The following PDE1C variants were observed in gnomAD, a reference collection of about 807,000 sequenced individuals.
PDE1C encodes the protein phosphodiesterase 1C.
PDE1C carries 62 observed loss-of-function variants against 93.1 expected under a neutral mutation model. The observed-to-expected ratio is 0.67, with a 90% CI of 0.54 to 0.82. The LOEUF is 0.82. PDE1C is among the 40% of genes least tolerant of loss of function. The probability of loss-of-function intolerance (pLI) is 0.00; values close to 1 mark genes in which losing one functional copy is unlikely to be tolerated. For missense variants in PDE1C, 742 were observed against 884.6 expected (o/e 0.84, Z 2.04); for synonymous variants, 325 against 310.1 (o/e 1.05, Z -0.50).
the PDE1C span, among the ~76,000 whole-genome samples, chr7:31,646,757 G>A: frequency 2.0e-5 from 3 of 152,176 alleles, no homozygotes; most frequent in African/African-American, 7.2e-5. Flanking sequence ...ACTGTCCTCA[G>A]ACGTGGGTAG....
At chr7:31,624,846 T>C in the PDE1C span, among the ~76,000 whole-genome samples, 1 of 152,000 alleles carries the variant, frequency 6.6e-6, no homozygotes, top group Non-Finnish European at 1.5e-5. Context: ...ACCCACAAAA[T>C]GGGAAAAAAT....
intron 3 of PDE1C, among the ~76,000 whole-genome samples, chr7:32,109,016 G>A (rs1798500288): frequency 6.6e-6 from 1 of 152,138 alleles, no homozygotes; most frequent in Admixed American, 6.5e-5. Context: ...AAAAGAACAT[G>A]CATAAAATTG....
At chr7:31,827,718 T>G (rs1201340881) in intron 12 of PDE1C, among the ~76,000 whole-genome samples, 1 of 152,152 alleles carries the variant, frequency 6.6e-6, no homozygotes, top group Non-Finnish European at 1.5e-5. Flanking sequence ...GATAGGGCAC[T>G]GGTGTCCTCT....
intron 4 of PDE1C, 45 bp downstream of exon 4, chr7:31,878,951 C>A (rs534953297): frequency 3.2e-6 from 5 of 1,565,686 alleles, no homozygotes; most frequent in Non-Finnish European, 4.4e-6. Flanking sequence ...AAACGTGTTG[C>A]TTTGGCTGCT....
the PDE1C span, among the ~76,000 whole-genome samples, chr7:31,680,892 T>C: frequency 3.3e-5 from 5 of 152,154 alleles, no homozygotes; most frequent in South Asian, 6.2e-4. Flanking sequence ...TGGAGACATA[T>C]TGCAGATCAG....
intron 17 of PDE1C, among the ~76,000 whole-genome samples, chr7:31,759,877 G>GTCTCTCTCTCTCCATTCTCTCTTTCTC (rs1794721304): frequency 2.0e-5 from 3 of 150,366 alleles, no homozygotes; most frequent in African/African-American, 7.4e-5. Context: ...CTCTCTCTCT[G>GTCTCTCTCTCTCCATTCTCTCTTTCTC]TCTCTCTCTC....
At chr7:32,261,655 G>A (rs561462677) in intron 1 of PDE1C, among the ~76,000 whole-genome samples, 1 of 152,186 alleles carries the variant, frequency 6.6e-6, no homozygotes, top group Non-Finnish European at 1.5e-5. Flanking sequence ...TTCACTGTTG[G>A]CCTCTTAGAT....
At chr7:32,254,676 G>C (rs1809654779) in intron 1 of PDE1C, among the ~76,000 whole-genome samples, 1 of 152,178 alleles carries the variant, frequency 6.6e-6, no homozygotes. Flanking sequence ...TTGTGTGTCT[G>C]TGTGTGTCAT....
chr7:32,055,794 C>T (rs1276364837), intron 1 of PDE1C, among the ~76,000 whole-genome samples: 1 of 152,212 alleles, frequency 6.6e-6, no homozygotes, highest in Non-Finnish European at 1.5e-5. Flanking sequence ...AATCTCGGCT[C>T]ACTGCAACCT....
chr7:31,926,072 T>G (rs1803339251), intron 2 of PDE1C, among the ~76,000 whole-genome samples: 1 of 151,732 alleles, frequency 6.6e-6, no homozygotes, highest in Admixed American at 6.6e-5. Flanking sequence ...AAACAGAATA[T>G]TATGCTTTAT....
intron 1 of PDE1C, among the ~76,000 whole-genome samples, chr7:32,279,645 T>C (rs1011558208): frequency 7.9e-5 from 12 of 151,934 alleles, no homozygotes; most frequent in African/African-American, 2.7e-4. Context: ...ATAATCTATA[T>C]ACCAAAAAAG....
intron 15 of PDE1C, among the ~76,000 whole-genome samples, chr7:31,814,387 C>T (rs955771662): frequency 4.6e-5 from 7 of 152,000 alleles, no homozygotes; most frequent in African/African-American, 7.2e-5. Context: ...GGGGGCAGGA[C>T]GAGTCGGGAC....
intron 1 of PDE1C, among the ~76,000 whole-genome samples, chr7:32,242,413 A>G (rs1030529704): frequency 6.6e-6 from 1 of 152,214 alleles, no homozygotes; most frequent in African/African-American, 2.4e-5. Context: ...AAGGGATGCA[A>G]TTATTGGTAA....
At position 32,001,271 on chromosome 7, in the gene PDE1C, A is replaced by G. The variant is rs1377472278; in HGVS notation, c.128+50283T>C. ...TGTATGCCTTAAGTTTTTACTATGC[A>G]TGTATACTATTTTAAAAGCTGTTTT... On this transcript the variant is annotated intron_variant, in intron 2 of 17. Transcript: ENST00000396191. Among the ~76,000 whole-genome samples, 11 of 152,338 alleles carry G rather than the reference A, an allele frequency of 7.2e-5. 1 individual carries two copies. In the South Asian group the frequency reaches 2.1e-3, roughly 29 times the overall value.
intron 3 of PDE1C, among the ~76,000 whole-genome samples, chr7:32,085,236 T>C (rs906226028): frequency 2.7e-5 from 4 of 148,262 alleles, no homozygotes; most frequent in African/African-American, 1.0e-4. Context: ...TCTACGCAAA[T>C]AAACTAGAAA....
the PDE1C span, among the ~76,000 whole-genome samples, chr7:31,636,690 T>G: frequency 6.6e-6 from 1 of 152,038 alleles, no homozygotes. Flanking sequence ...TAACAGGCTG[T>G]GGGCCCAGAA....
chr7:31,701,964 T>C, the PDE1C span, among the ~76,000 whole-genome samples: 7 of 152,236 alleles, frequency 4.6e-5, no homozygotes, highest in African/African-American at 1.7e-4. Flanking sequence ...ACTTGCTTTA[T>C]TGCAGTGATC....
At chr7:32,360,881 T>C (rs1457447507) in intron 1 of PDE1C, among the ~76,000 whole-genome samples, 1 of 152,186 alleles carries the variant, frequency 6.6e-6, no homozygotes, top group Non-Finnish European at 1.5e-5. Flanking sequence ...GGTGACCTAA[T>C]AATAACAACA....
chr7:31,737,404 C>A, the PDE1C span, among the ~76,000 whole-genome samples: 10 of 152,140 alleles, frequency 6.6e-5, no homozygotes, highest in Admixed American at 6.5e-5. Context: ...AACCCAGAAT[C>A]AAAAATGTAG....
Sources: allele counts gnomAD v4.1 joint callset (sites outside exome capture counted in the v4.1 genomes callset), GRCh38; gene constraint gnomAD v4.1.1; transcripts MANE v1.5; gene names NCBI Gene and HGNC (gene_info 2026-07-23, HGNC 2026-07-21).